The following GRID1 variants were observed in gnomAD, a reference collection of about 807,000 sequenced individuals.
GRID1 encodes the protein glutamate receptor ionotropic, delta-1.
In GRID1, 28 loss-of-function variants were observed where a neutral mutation model predicts 98.0. That is an observed-to-expected ratio of 0.29 (90% CI 0.21 to 0.39). The LOEUF is 0.39. Ranked by LOEUF, GRID1 falls within the 10% of genes least tolerant of loss-of-function variation. The probability of loss-of-function intolerance (pLI) is 1.00; values close to 1 mark genes in which losing one functional copy is unlikely to be tolerated. For missense variants in GRID1, 1,111 were observed against 1,340.5 expected (o/e 0.83, Z 2.67); for synonymous variants, 553 against 538.5 (o/e 1.03, Z -0.37).
chr10:86,198,970 G>A (rs1384471941), intron 3 of GRID1, among the ~76,000 whole-genome samples: 2 of 152,178 alleles, frequency 1.3e-5, no homozygotes, highest in Non-Finnish European at 2.9e-5. Context: ...TGAAGAGGCT[G>A]AAGCTCAGAG....
At chr10:86,011,689 C>T (rs1336106104) in intron 4 of GRID1, among the ~76,000 whole-genome samples, 1 of 152,098 alleles carries the variant, frequency 6.6e-6, no homozygotes, top group Non-Finnish European at 1.5e-5. Flanking sequence ...AAGCACTTGC[C>T]AGAATTCTAA....
At chr10:85,633,345 C>T (rs923451335) in intron 13 of GRID1, among the ~76,000 whole-genome samples, 10 of 152,316 alleles carry the variant, frequency 6.6e-5, no homozygotes, top group East Asian at 1.9e-4. Context: ...AAGATGGATA[C>T]GAGAGCCAAA....
chr10:85,938,538 A>G (rs189690823), intron 4 of GRID1, among the ~76,000 whole-genome samples: 18 of 152,328 alleles, frequency 1.2e-4, no homozygotes, highest in Admixed American at 1.1e-3. Flanking sequence ...AGTTTCTCTC[A>G]TGGTTCCTAT....
chr10:85,998,537 A>G (rs1051483773), intron 4 of GRID1, among the ~76,000 whole-genome samples: 1 of 152,158 alleles, frequency 6.6e-6, no homozygotes, highest in African/African-American at 2.4e-5. Context: ...AAAAAAAAGA[A>G]AGATTTAAAA....
At chr10:86,125,187 C>T (rs746270741) in intron 4 of GRID1, among the ~76,000 whole-genome samples, 5 of 152,242 alleles carry the variant, frequency 3.3e-5, no homozygotes, top group Admixed American at 1.3e-4. Flanking sequence ...ATGGCTTCCA[C>T]GTGACTGCCA....
intron 2 of GRID1, among the ~76,000 whole-genome samples, chr10:86,212,162 G>A (rs1199895761): frequency 1.3e-5 from 2 of 152,216 alleles, no homozygotes; most frequent in Non-Finnish European, 2.9e-5. Flanking sequence ...CAGAAGGCAT[G>A]TGTTAGAAGA....
chr10:86,253,622 T>G (rs955441328), intron 2 of GRID1, among the ~76,000 whole-genome samples: 2 of 152,054 alleles, frequency 1.3e-5, no homozygotes, highest in African/African-American at 2.4e-5. Flanking sequence ...CTTCTTGGAC[T>G]ACACTGCAGC....
At chr10:86,331,144 C>T (rs1442128853) in intron 2 of GRID1, among the ~76,000 whole-genome samples, 3 of 152,250 alleles carry the variant, frequency 2.0e-5, no homozygotes, top group South Asian at 4.1e-4. Context: ...TGTAGAGCTG[C>T]TGGCTTGGCC....
intron 5 of GRID1, among the ~76,000 whole-genome samples, chr10:85,880,286 T>C (rs1049922777): frequency 1.2e-4 from 19 of 152,154 alleles, no homozygotes; most frequent in African/African-American, 4.6e-4. Context: ...GCCAGCATCA[T>C]CCTGATACCA....
At chr10:85,764,668 A>G (rs950835765) in intron 8 of GRID1, among the ~76,000 whole-genome samples, 1 of 152,210 alleles carries the variant, frequency 6.6e-6, no homozygotes, top group Non-Finnish European at 1.5e-5. Context: ...TAGTAAACCC[A>G]TGACTTCAAG....
At chr10:85,852,708 G>T (rs1234828968) in intron 8 of GRID1, among the ~76,000 whole-genome samples, 1 of 152,144 alleles carries the variant, frequency 6.6e-6, no homozygotes, top group Non-Finnish European at 1.5e-5. Context: ...CCTGGTGGGA[G>T]TCCCAATGCA....
chr10:85,975,747 C>A (rs1226509880), intron 4 of GRID1, among the ~76,000 whole-genome samples: 1 of 152,158 alleles, frequency 6.6e-6, no homozygotes. Flanking sequence ...GACTGCCCAG[C>A]AGATGATCAA....
At chr10:85,634,214 T>C (rs1590168211) in intron 13 of GRID1, among the ~76,000 whole-genome samples, 1 of 125,290 alleles carries the variant, frequency 8.0e-6, no homozygotes, top group Admixed American at 9.1e-5. Flanking sequence ...TTTATAGGGG[T>C]AGTGGGGGAA....
intron 4 of GRID1, among the ~76,000 whole-genome samples, chr10:86,116,391 C>T (rs1844579430): frequency 6.6e-6 from 1 of 152,198 alleles, no homozygotes; most frequent in African/African-American, 2.4e-5. Context: ...CAAACAGCAA[C>T]AAGGCTGCTC....
At chr10:86,231,789 C>A (rs568225816) in intron 2 of GRID1, among the ~76,000 whole-genome samples, 2 of 152,186 alleles carry the variant, frequency 1.3e-5, no homozygotes, top group Non-Finnish European at 2.9e-5. Context: ...TATTTGGAGA[C>A]GCAGTGTCTT....
chr10:85,816,351 A>C (rs1842715856), intron 8 of GRID1, among the ~76,000 whole-genome samples: 1 of 152,220 alleles, frequency 6.6e-6, no homozygotes, highest in South Asian at 2.1e-4. Flanking sequence ...CAAGAAAATG[A>C]AGAAACAAAT....
At chr10:86,030,758 C>A (rs970374809) in intron 4 of GRID1, among the ~76,000 whole-genome samples, 3 of 152,164 alleles carry the variant, frequency 2.0e-5, no homozygotes, top group African/African-American at 7.2e-5. Flanking sequence ...GTAAGGCTTT[C>A]CTTTTGAATG....
At chr10:86,363,873 C>G in intron 2 of GRID1, 68 bp downstream of exon 2, 2 of 1,386,216 alleles carry the variant, frequency 1.4e-6, no homozygotes, top group Non-Finnish European at 2.0e-6. Context: ...CCCAACCCCT[C>G]CGGTGCCCAC....
chr10:86,336,663 C>T (rs543095509), intron 2 of GRID1, among the ~76,000 whole-genome samples: 291 of 152,304 alleles, frequency 1.9e-3, no homozygotes, highest in Non-Finnish European at 3.0e-3. Context: ...GGTACTAAAG[C>T]GCAATGATTA....
Sources: gnomAD v4.1 joint callset for allele counts (sites outside exome capture counted in the v4.1 genomes callset) on GRCh38, gnomAD v4.1.1 for gene constraint, MANE v1.5 for transcripts, NCBI Gene and HGNC (gene_info 2026-07-23, HGNC 2026-07-21) for gene names.